LRCH1: variants seen among roughly 807,000 people sequenced by gnomAD.
LRCH1 encodes leucine-rich repeat and calponin homology domain-containing protein 1.
A neutral mutation model predicts 94.9 loss-of-function variants in LRCH1; 23 were observed. The observed-to-expected ratio is 0.24, with a 90% CI of 0.17 to 0.34. The LOEUF (loss-of-function observed/expected upper bound fraction) is 0.34, where lower values mean the gene tolerates loss of function less well. LRCH1 is among the 10% of genes least tolerant of loss of function. LRCH1 has a pLI of 1.00. For missense variants in LRCH1, 790 were observed against 945.9 expected (o/e 0.84, Z 2.16); for synonymous variants, 364 against 354.9 (o/e 1.03, Z -0.29).
At chr13:46,599,954 C>T (rs1178252468) in intron 1 of LRCH1, among the ~76,000 whole-genome samples, 2 of 152,210 alleles carry the variant, frequency 1.3e-5, no homozygotes, top group African/African-American at 4.8e-5. Flanking sequence ...GGTATTTGGC[C>T]ATGTGCGGTG....
intron 13 of LRCH1, among the ~76,000 whole-genome samples, chr13:46,711,287 A>G (rs867919874): frequency 7.2e-5 from 11 of 152,118 alleles, no homozygotes; most frequent in African/African-American, 2.7e-4. Context: ...GACAGAAAAA[A>G]TTCATAATTT....
downstream of LRCH1, among the ~76,000 whole-genome samples, chr13:46,749,559 A>G (rs1307624547): frequency 1.3e-5 from 2 of 152,210 alleles, no homozygotes. Flanking sequence ...CCATTCCACA[A>G]TGTATACTTT....
chr13:46,736,118 CTG>C lies in LRCH1; in HGVS notation c.2085+2156_2085+2157del, dbSNP rs3138585. 8.0e-3 allele frequency among the ~76,000 whole-genome samples: 1,132 copies of C among 142,286 alleles called. 15 individuals are homozygous for C. The highest frequency in any genetic ancestry group is 0.027 in the African/African-American group (1,018 of 38,208). 93.3% of individuals were successfully genotyped at this position (142,286 alleles called of 152,430 possible). ...GGCCAAGGTGATTTTCAAATTTGCTCTGTGTGTGTGTGTGTGTGTGTGTGTGT... is the reference window on the plus strand; with the variant it reads ...GGCCAAGGTGATTTTCAAATTTGCTCTGTGTGTGTGTGTGTGTGTGTGTGT... On this transcript the variant is annotated intron_variant, in intron 19 of 19. Coordinates refer to ENST00000389797, the MANE Select transcript of LRCH1 (RefSeq NM_001164211.2).
intron 1 of LRCH1, among the ~76,000 whole-genome samples, chr13:46,644,843 G>C (rs749234741): frequency 7.9e-5 from 12 of 152,144 alleles, no homozygotes; most frequent in Non-Finnish European, 1.8e-4. Context: ...TCCTAAAAAA[G>C]TACATATAGA....
chr13:46,640,094 A>G (rs1188308200), intron 1 of LRCH1, among the ~76,000 whole-genome samples: 8 of 152,248 alleles, frequency 5.3e-5, no homozygotes, highest in Non-Finnish European at 1.5e-5. Context: ...CATTGAATGG[A>G]GCTAGAGAAA....
chr13:46,636,610 T>C lies in LRCH1; in HGVS notation c.308-13591T>C, dbSNP rs1184683414. 2.6e-5 allele frequency among the ~76,000 whole-genome samples: 4 copies of C among 152,314 alleles called. No homozygotes were observed. The East Asian group carries it at 7.7e-4, about 29-fold the overall frequency. ...TCCTGAACCCACCTTCATCAGGCTT[T>C]TGCTCCTACATTCCCCCTCCACCAC... On this transcript the variant is annotated intron_variant, in intron 1 of 19. Transcript: ENST00000389797.
chr13:46,582,648 C>CT (rs551678501), intron 1 of LRCH1, among the ~76,000 whole-genome samples: 1,905 of 23,190 alleles, frequency 0.082, 196 homozygotes, highest in Non-Finnish European at 0.13. Context: ...CCATGCCCAG[C>CT]TTTTTTTTTT....
At chr13:46,612,058 A>T (rs2050753700) in intron 1 of LRCH1, among the ~76,000 whole-genome samples, 1 of 152,214 alleles carries the variant, frequency 6.6e-6, no homozygotes, top group Admixed American at 6.5e-5. Context: ...CCCCAGCAAA[A>T]CAAAACCGAC....
chr13:46,578,123 G>A (rs892896579), intron 1 of LRCH1, among the ~76,000 whole-genome samples: 2 of 152,248 alleles, frequency 1.3e-5, no homozygotes, highest in Non-Finnish European at 2.9e-5. Context: ...CCAACAGTGA[G>A]ATGCATTAGG....
intron 1 of LRCH1, among the ~76,000 whole-genome samples, chr13:46,624,960 C>A (rs1020847887): frequency 6.6e-6 from 1 of 152,170 alleles, no homozygotes; most frequent in Non-Finnish European, 1.5e-5. Flanking sequence ...TATTTAAAAA[C>A]CTTCAGTAGC....
intron 1 of LRCH1, among the ~76,000 whole-genome samples, chr13:46,597,551 T>G (rs2050578319): frequency 6.6e-6 from 1 of 152,060 alleles, no homozygotes. Context: ...GAGACAGGGT[T>G]TCACCATGTC....
chr13:46,684,278 C>T (rs928288613), intron 4 of LRCH1, among the ~76,000 whole-genome samples: 3 of 150,302 alleles, frequency 2.0e-5, no homozygotes, highest in Admixed American at 1.3e-4. Flanking sequence ...GCTGGTGTTG[C>T]AAAATTATCA....
At chr13:46,731,640 C>G (rs1873113234) in intron 18 of LRCH1, among the ~76,000 whole-genome samples, 1 of 152,182 alleles carries the variant, frequency 6.6e-6, no homozygotes, top group African/African-American at 2.4e-5. Context: ...ATATCCACTT[C>G]TACATGTCCA....
At chr13:46,658,654 A>T (rs1157821222) in intron 2 of LRCH1, among the ~76,000 whole-genome samples, 2 of 151,866 alleles carry the variant, frequency 1.3e-5, no homozygotes, top group African/African-American at 4.8e-5. Flanking sequence ...TAATTTTTAA[A>T]TTTTTTTATA....
chr13:46,711,992 A>G, intron 14 of LRCH1, 148 bp downstream of exon 14: 2 of 571,220 alleles, frequency 3.5e-6, no homozygotes, highest in South Asian at 6.4e-5. Context: ...TAGCTATCAT[A>G]GCTTTATCTG....
chr13:46,631,713 T>C (rs1732141136), intron 1 of LRCH1, among the ~76,000 whole-genome samples: 1 of 152,232 alleles, frequency 6.6e-6, no homozygotes, highest in African/African-American at 2.4e-5. Context: ...AGTGATTTTT[T>C]TATTGTGATA....
At position 46,741,842 on chromosome 13, in the gene LRCH1, C is replaced by A. The variant is rs535116701; in HGVS notation, c.2286C>A (p.Ser762=). ...VYITYHWNAL[S]A ...TCACTTACCACTGGAATGCTCTGTCCGCATAATGTCTGCACGTGCATCCAA... is the reference window on the plus strand; with the variant it reads ...TCACTTACCACTGGAATGCTCTGTCAGCATAATGTCTGCACGTGCATCCAA... Residue 762 remains serine (S), a synonymous_variant, in exon 20 of 20, where the codon TCC becomes TCA. Transcript: ENST00000389797. 6.2e-7 allele frequency: 1 copy of A among 1,613,854 alleles called. No individual in the cohort carries two copies. Among genetic ancestry groups the A allele is most frequent in the South Asian group, 1.1e-5 (1 of 91,080 alleles).
At chr13:46,713,099 G>A (rs774987853) in intron 15 of LRCH1, among the ~76,000 whole-genome samples, 1 of 152,174 alleles carries the variant, frequency 6.6e-6, no homozygotes, top group African/African-American at 2.4e-5. Flanking sequence ...TTTTGAGAAA[G>A]CATTCTGCTT....
intron 7 of LRCH1, among the ~76,000 whole-genome samples, chr13:46,690,176 A>G (rs2138157786): frequency 6.6e-6 from 1 of 152,314 alleles, no homozygotes; most frequent in East Asian, 1.9e-4. Context: ...GTATATTAAA[A>G]AGTGGGATTC....
Sources: gnomAD v4.1 joint callset for allele counts (sites outside exome capture counted in the v4.1 genomes callset) on GRCh38, gnomAD v4.1.1 for gene constraint, MANE v1.5 for transcripts, NCBI Gene and HGNC (gene_info 2026-07-23, HGNC 2026-07-21) for gene names.